Variants in PRKCD observed in about 807,000 individuals in gnomAD.
The protein encoded by PRKCD is protein kinase C delta.
PRKCD carries 20 observed loss-of-function variants against 82.2 expected under a neutral mutation model. The observed-to-expected ratio is 0.24, with a 90% CI of 0.17 to 0.35. PRKCD has a LOEUF of 0.35. Ranked by LOEUF, PRKCD falls within the 10% of genes least tolerant of loss-of-function variation. The pLI is 1.00. For synonymous variants in PRKCD, 317 were observed against 337.0 expected, an observed-to-expected ratio of 0.94 and a Z score of 0.65; for missense variants, 607 against 899.0, an observed-to-expected ratio of 0.68 and a Z score of 4.15.
intron 2 of PRKCD, among the ~76,000 whole-genome samples, chr3:53,177,946 CTTTT>C (rs55779744): frequency 1.2e-4 from 16 of 135,062 alleles, no homozygotes; most frequent in Admixed American, 3.8e-4. Context: ...TTTTCTTTTT[CTTTT>C]TTTTTTTTTT....
intron 2 of PRKCD, among the ~76,000 whole-genome samples, chr3:53,174,022 C>A (rs988132649): frequency 6.6e-6 from 1 of 152,208 alleles, no homozygotes; most frequent in African/African-American, 2.4e-5. Context: ...CAACATCGGG[C>A]AGGCCTGGAT....
chr3:53,183,307 T>C, intron 8 of PRKCD, 101 bp downstream of exon 8: 1 of 1,508,890 alleles, frequency 6.6e-7, no homozygotes, highest in Non-Finnish European at 9.1e-7. Context: ...TTACCCTCCC[T>C]CCCCATTTTT....
chr3:53,179,800 G>GTGTA (rs2107257676), intron 4 of PRKCD, 24 bp downstream of exon 4: 2 of 1,226,964 alleles, frequency 1.6e-6, no homozygotes, highest in Non-Finnish European at 2.1e-6. Flanking sequence ...GAGCCGTGCC[G>GTGTA]TGTGTGTGTG....
At chr3:53,182,645 C>G (rs965626629) in intron 7 of PRKCD, among the ~76,000 whole-genome samples, 1 of 152,116 alleles carries the variant, frequency 6.6e-6, no homozygotes, top group Middle Eastern at 3.2e-3. Context: ...ATATGTAAAG[C>G]TGTATTTTAA....
intron 1 of PRKCD, among the ~76,000 whole-genome samples, chr3:53,162,882 T>C (rs1327242882): frequency 6.6e-6 from 1 of 152,042 alleles, no homozygotes; most frequent in African/African-American, 2.4e-5. Flanking sequence ...TGAGTGTATC[T>C]GTATAAGTGT....
At position 53,189,051 on chromosome 3, in the gene PRKCD, C is replaced by T. The variant is rs1553670169; in HGVS notation, c.1555-7C>T. 1 of 1,607,754 alleles carries T rather than the reference C, an allele frequency of 6.2e-7. No individual in the cohort carries two copies. The highest frequency in any genetic ancestry group is 1.7e-5 in the Admixed American group (1 of 59,618). On this transcript the variant is annotated splice_polypyrimidine_tract_variant and splice_region_variant and intron_variant, in intron 16 of 18. Transcript: ENST00000330452. ...TCCTGCTGACCTGCTGCTCTCCCCA[C>T]CGCCAGATCCTACAGGGCCTGAAGT...
At chr3:53,166,829 G>A (rs1553663928) in intron 2 of PRKCD, among the ~76,000 whole-genome samples, 1 of 152,260 alleles carries the variant, frequency 6.6e-6, no homozygotes, top group African/African-American at 2.4e-5. Context: ...TGCCCACCTG[G>A]CCCCAGGCTC....
At chr3:53,189,271 CT>C in intron 17 of PRKCD, 25 bp downstream of exon 17, 9 of 574,798 alleles carry the variant, frequency 1.6e-5, no homozygotes, top group Non-Finnish European at 2.2e-5. Flanking sequence ...CTGGGCTGGG[CT>C]GGTCTGGGCT....
chr3:53,189,825 A>G (rs1703856633), intron 17 of PRKCD, 48 bp from the exon 18 acceptor site: 2 of 1,609,960 alleles, frequency 1.2e-6, no homozygotes. Context: ...TGAAGCTCCA[A>G]TTTCCCATGG....
At chr3:53,185,073 AT>A in intron 10 of PRKCD, 99 bp downstream of exon 10, 1 of 1,085,284 alleles carries the variant, frequency 9.2e-7, no homozygotes, top group Non-Finnish European at 1.4e-6. Flanking sequence ...GCCAGGATAT[AT>A]TTAGACCCAG....
rs1703946060 is a variant in PRKCD at position 53,192,153 on chromosome 3, G to A, written c.1918G>A (p.Glu640Lys). 3.7e-6 allele frequency: 6 copies of A among 1,613,898 alleles called. No homozygotes were observed. The highest frequency in any genetic ancestry group is 2.2e-5 in the South Asian group (2 of 91,072). The change falls in exon 19 of 19, where the codon GAG becomes AAG. Residue 640 changes from glutamate to lysine, a missense_variant. Coordinates refer to ENST00000330452, the MANE Select transcript of PRKCD (RefSeq NM_006254.4). ...YSNFDQEFLN[E>K]KARLSYSDKN... ...TAACTTTGACCAGGAGTTCCTGAAC[G>A]AGAAGGCGCGCCTCTCCTACAGCGA...
chr3:53,192,413 A>G lies in PRKCD; in HGVS notation c.*147A>G, dbSNP rs576024474. On this transcript the variant is annotated 3_prime_UTR_variant, in exon 19 of 19. Coordinates refer to ENST00000330452, the MANE Select transcript of PRKCD (RefSeq NM_006254.4). ...TTGGCTGCCGTCTGGCCGGGCTCTC[A>G]TGGTACTTCCTCTGTGAACTGTGTG... 4.0e-5 allele frequency: 34 copies of G among 851,914 alleles called. No homozygotes were observed. Among genetic ancestry groups the G allele is most frequent in the Non-Finnish European group, 5.7e-5 (31 of 540,882 alleles). The allele number at this position is 851,914 out of a possible 1,614,324, so 52.8% of individuals were successfully genotyped here. A position where few individuals can be genotyped will look rare whatever the true frequency, so the allele number is the denominator to read the frequency against.
chr3:53,189,063 A>G lies in PRKCD; in HGVS notation c.1560A>G (p.Leu520=). The change falls in exon 17 of 19, where the codon CTA becomes CTG. Residue 520 remains leucine (L), a synonymous_variant. Transcript: ENST00000330452. ...GTPDYIAPEI[L]QGLKYTFSVD... ...GCTGCTCTCCCCACCGCCAGATCCT[A>G]CAGGGCCTGAAGTACACATTCTCTG... 6.2e-7 allele frequency: 1 copy of G among 1,612,026 alleles called. No individual in the cohort carries two copies. Among genetic ancestry groups the G allele is most frequent in the Non-Finnish European group, 8.5e-7 (1 of 1,178,800 alleles).
chr3:53,188,641 T>A, intron 15 of PRKCD, 79 bp from the exon 16 acceptor site: 1 of 1,575,576 alleles, frequency 6.3e-7, no homozygotes, highest in South Asian at 1.2e-5. Context: ...CTAATACGGC[T>A]GAAAATTAGG....
In PRKCD at chr3:53,183,438, AC is replaced by A. The variant is rs782412435; in HGVS notation, c.658-9del. ...TGGCACGTGACCCTCAGCCTGTGAT[AC>A]CCCCACCTCCAGTTCCAGAAAGAAC... On this transcript the variant is annotated splice_polypyrimidine_tract_variant and intron_variant, in intron 8 of 18. Transcript: ENST00000330452. The A allele has an allele frequency of 6.2e-7, 1 of 1,613,634 alleles. No homozygotes were observed. Among genetic ancestry groups the A allele is most frequent in the Admixed American group, 1.7e-5 (1 of 59,980 alleles).
chr3:53,192,408 C>T lies in PRKCD; in HGVS notation c.*142C>T. ...CGTCCTTGGCTGCCGTCTGGCCGGG[C>T]TCTCATGGTACTTCCTCTGTGAACT... On this transcript the variant is annotated 3_prime_UTR_variant, in exon 19 of 19. Coordinates refer to ENST00000330452, the MANE Select transcript of PRKCD (RefSeq NM_006254.4). 2 of 922,792 alleles carry T rather than the reference C, an allele frequency of 2.2e-6. No individual in the cohort carries two copies. Among genetic ancestry groups the T allele is most frequent in the Non-Finnish European group, 3.3e-6 (2 of 601,704 alleles). 57.2% of individuals were successfully genotyped at this position (922,792 alleles called of 1,614,324 possible). A position where few individuals can be genotyped will look rare whatever the true frequency, so the allele number is the denominator to read the frequency against.
chr3:53,190,036 A>C, intron 18 of PRKCD, 35 bp downstream of exon 18: 1 of 1,612,654 alleles, frequency 6.2e-7, no homozygotes, highest in Non-Finnish European at 8.5e-7. Context: ...CTTCAGGCTG[A>C]GCTACTCCTC....
At position 53,178,644 on chromosome 3, in the gene PRKCD, C is replaced by A. The variant is rs2107253918; in HGVS notation, c.115+107C>A. 1.3e-5 allele frequency: 12 copies of A among 904,066 alleles called. No individual in the cohort carries two copies. In the South Asian group the frequency reaches 2.1e-4, roughly 16 times the overall value. 56.0% of individuals were successfully genotyped at this position (904,066 alleles called of 1,614,324 possible). A position where few individuals can be genotyped will look rare whatever the true frequency, so the allele number is the denominator to read the frequency against. ...CCTGCAACCTCTGAAGGATTCTGCT[C>A]TTCCTCATCCTTGACTCCCTGCCCC... On this transcript the variant is annotated intron_variant, in intron 3 of 18. Coordinates refer to ENST00000330452, the MANE Select transcript of PRKCD (RefSeq NM_006254.4).
At position 53,169,096 on chromosome 3, in the gene PRKCD, G is replaced by T. The variant is rs532791270; in HGVS notation, c.-20+3881G>T. Among the ~76,000 whole-genome samples the T allele has an allele frequency of 6.6e-6, 1 of 152,072 alleles. No homozygotes were observed. The highest frequency in any genetic ancestry group is 1.5e-5 in the Non-Finnish European group (1 of 68,000). ...TTGAGGACAGGCTGCAGCGGCAGACGGGATGGCCTTATTGTGTGGGGAGCA... is the reference window on the plus strand; with the variant it reads ...TTGAGGACAGGCTGCAGCGGCAGACTGGATGGCCTTATTGTGTGGGGAGCA... On this transcript the variant is annotated intron_variant, in intron 2 of 18. Transcript: ENST00000330452. The surrounding 1 kb of genome is among the most constrained non-coding windows in gnomAD (Gnocchi z 4.7).
Sources: gnomAD v4.1 joint callset for allele counts (sites outside exome capture counted in the v4.1 genomes callset) on GRCh38, gnomAD v4.1.1 for gene constraint, Gnocchi (gnomAD v3.1) non-coding constraint, MANE v1.5 for transcripts, NCBI Gene and HGNC (gene_info 2026-07-23, HGNC 2026-07-21) for gene names.